Variants in VWC2 observed in about 807,000 individuals in gnomAD.
VWC2 encodes the protein von Willebrand factor C domain containing 2.
Under a neutral mutation model 29.8 loss-of-function variants are expected in VWC2, and 14 were observed. The observed-to-expected ratio is 0.47, with a 90% CI of 0.31 to 0.74. VWC2 has a LOEUF of 0.74. Among genes scored for constraint, VWC2 ranks in the 30% least tolerant of loss-of-function variants. The probability of loss-of-function intolerance (pLI) is 0.05; values close to 1 mark genes in which losing one functional copy is unlikely to be tolerated. For missense variants in VWC2, 457 were observed against 459.8 expected, an observed-to-expected ratio of 0.99 and a Z score of 0.05; for synonymous variants, 213 against 199.0, an observed-to-expected ratio of 1.07 and a Z score of -0.59.
intron 3 of VWC2, among the ~76,000 whole-genome samples, chr7:49,876,190 C>T (rs545431730): frequency 7.9e-5 from 12 of 152,228 alleles, no homozygotes; most frequent in Admixed American, 7.9e-4. Context: ...CTTTAAGAGA[C>T]ACAGGTTGGG....
At chr7:49,840,346 A>G (rs1789765480) in intron 3 of VWC2, among the ~76,000 whole-genome samples, 1 of 152,184 alleles carries the variant, frequency 6.6e-6, no homozygotes, top group South Asian at 2.1e-4. Context: ...GCAGATCATC[A>G]GCAGTGCTGA....
In VWC2 at chr7:49,919,756, A is replaced by AG. The variant is rs1793928179; in HGVS notation, c.*7576dup. On this transcript the variant is annotated 3_prime_UTR_variant, in exon 4 of 4. Coordinates refer to ENST00000340652, the MANE Select transcript of VWC2 (RefSeq NM_198570.5). ...GACAGAGGTAGTCCCACTCATCCCCAGGGGGCTCAGCTGCCACCGGCCAGG... is the reference window on the plus strand; with the variant it reads ...GACAGAGGTAGTCCCACTCATCCCCAGGGGGGCTCAGCTGCCACCGGCCAGG... 1 of 152,350 alleles carries AG rather than the reference A, an allele frequency of 6.6e-6. No homozygotes were observed. The highest frequency in any genetic ancestry group is 1.5e-5 in the Non-Finnish European group (1 of 68,024). The allele number at this position is 152,350 out of a possible 1,614,324, so 9.4% of individuals were successfully genotyped here. A position where few individuals can be genotyped will look rare whatever the true frequency, so the allele number is the denominator to read the frequency against.
intron 3 of VWC2, among the ~76,000 whole-genome samples, chr7:49,857,697 TGG>T (rs888811813): frequency 6.6e-6 from 1 of 152,074 alleles, no homozygotes; most frequent in African/African-American, 2.4e-5. Context: ...TGACTCTTGG[TGG>T]GAATGCAAAA....
chr7:49,806,940 C>G (rs1198215293), intron 3 of VWC2, among the ~76,000 whole-genome samples: 1 of 152,112 alleles, frequency 6.6e-6, no homozygotes, highest in Non-Finnish European at 1.5e-5. Flanking sequence ...TCAAAATGAA[C>G]AGTTGATTTT....
chr7:49,869,789 C>A (rs576499124), intron 3 of VWC2, among the ~76,000 whole-genome samples: 1 of 152,102 alleles, frequency 6.6e-6, no homozygotes, highest in African/African-American at 2.4e-5. Context: ...TGCACGGCCA[C>A]AAACTACATT....
At chr7:49,809,249 A>G (rs1355716299) in intron 3 of VWC2, among the ~76,000 whole-genome samples, 1 of 151,960 alleles carries the variant, frequency 6.6e-6, no homozygotes, top group African/African-American at 2.4e-5. Context: ...ACTATGAACA[A>G]CTCTTTGCCA....
intron 3 of VWC2, among the ~76,000 whole-genome samples, chr7:49,895,238 T>C (rs1035338642): frequency 2.0e-5 from 3 of 152,136 alleles, no homozygotes; most frequent in Non-Finnish European, 4.4e-5. Flanking sequence ...AACAGTTCCC[T>C]CACATTTGTT....
At chr7:49,833,548 C>T (rs927632236) in intron 3 of VWC2, among the ~76,000 whole-genome samples, 16 of 152,128 alleles carry the variant, frequency 1.1e-4, no homozygotes, top group Non-Finnish European at 2.2e-4. Flanking sequence ...GGTGGTCCAA[C>T]GCATTAGGAA....
At chr7:49,786,597 C>T (rs1788303462) in intron 2 of VWC2, among the ~76,000 whole-genome samples, 1 of 152,202 alleles carries the variant, frequency 6.6e-6, no homozygotes, top group African/African-American at 2.4e-5. Flanking sequence ...ACATTCCCTC[C>T]AACAGTGTAT....
chr7:49,820,245 G>A (rs1227296470), intron 3 of VWC2, among the ~76,000 whole-genome samples: 1 of 152,018 alleles, frequency 6.6e-6, no homozygotes, highest in Non-Finnish European at 1.5e-5. Flanking sequence ...TTGGAGTGCT[G>A]GAAACATCTC....
intron 3 of VWC2, among the ~76,000 whole-genome samples, chr7:49,908,126 C>G (rs960838138): frequency 3.9e-5 from 6 of 152,146 alleles, no homozygotes; most frequent in African/African-American, 1.4e-4. Flanking sequence ...TCATGTGATG[C>G]CAATACTAGA....
chr7:49,813,393 G>T (rs1364469975), intron 3 of VWC2, among the ~76,000 whole-genome samples: 2 of 152,248 alleles, frequency 1.3e-5, no homozygotes, highest in African/African-American at 4.8e-5. Flanking sequence ...CTGATCCAGA[G>T]GCTTGGCTGG....
intron 3 of VWC2, among the ~76,000 whole-genome samples, chr7:49,812,181 A>G (rs1392414522): frequency 6.6e-6 from 1 of 152,222 alleles, no homozygotes; most frequent in Non-Finnish European, 1.5e-5. Flanking sequence ...GCAAATCATC[A>G]TGAGGGAATT....
intron 3 of VWC2, among the ~76,000 whole-genome samples, chr7:49,863,582 C>A (rs1790754866): frequency 6.6e-6 from 1 of 152,106 alleles, no homozygotes; most frequent in African/African-American, 2.4e-5. Flanking sequence ...CAGGTGTGCA[C>A]CACCATGCCC....
At position 49,920,752 on chromosome 7, in the gene VWC2, C is replaced by A. The variant is rs1793982963; in HGVS notation, c.*8567C>A. ...GAATTGTTTAAAATAATTTTAAATA[C>A]TTATTCCATAAACTCAGTATTTGAA... On this transcript the variant is annotated 3_prime_UTR_variant, in exon 4 of 4. Transcript: ENST00000340652. 6.6e-6 allele frequency: 1 copy of A among 151,966 alleles called. No homozygotes were observed. Among genetic ancestry groups the A allele is most frequent in the Admixed American group, 6.6e-5 (1 of 15,258 alleles). The allele number at this position is 151,966 out of a possible 1,614,324, so 9.4% of individuals were successfully genotyped here.
chr7:49,866,535 C>T (rs987863139), intron 3 of VWC2, among the ~76,000 whole-genome samples: 1 of 152,168 alleles, frequency 6.6e-6, no homozygotes, highest in African/African-American at 2.4e-5. Flanking sequence ...GTCACACGGG[C>T]AAGCCCTGAA....
At chr7:49,865,348 T>TAAA (rs1790834105) in intron 3 of VWC2, among the ~76,000 whole-genome samples, 1 of 152,256 alleles carries the variant, frequency 6.6e-6, no homozygotes, top group Non-Finnish European at 1.5e-5. Context: ...TACTGAAGTG[T>TAAA]GTAACCCTCA....
rs1338313296 is a variant in VWC2 at position 49,903,895 on chromosome 7, C to T, written c.827-8139C>T. On this transcript the variant is annotated intron_variant, in intron 3 of 3. Transcript: ENST00000340652. ...AGGAAAGACTGGCTGGTGGCAGATGCGCTGGATTTTATATTCCGCCTTGAG... is the reference window on the plus strand; with the variant it reads ...AGGAAAGACTGGCTGGTGGCAGATGTGCTGGATTTTATATTCCGCCTTGAG... 2.6e-5 allele frequency among the ~76,000 whole-genome samples: 4 copies of T among 152,136 alleles called. No individual in the cohort carries two copies. The East Asian group carries it at 5.8e-4, about 22-fold the overall frequency.
intron 3 of VWC2, among the ~76,000 whole-genome samples, chr7:49,870,394 C>T (rs761375691): frequency 7.9e-5 from 12 of 151,828 alleles, no homozygotes; most frequent in South Asian, 6.2e-4. Context: ...AGTGAGACTC[C>T]GTCTCAAAAA....
Sources: gnomAD v4.1 joint callset for allele counts (sites outside exome capture counted in the v4.1 genomes callset) on GRCh38, gnomAD v4.1.1 for gene constraint, MANE v1.5 for transcripts, NCBI Gene and HGNC (gene_info 2026-07-23, HGNC 2026-07-21) for gene names.